Variants in EPHA3 observed in about 807,000 individuals in gnomAD.
EPHA3 encodes the protein ephrin type-A receptor 3.
A neutral mutation model predicts 107.1 loss-of-function variants in EPHA3; 42 were observed. The observed-to-expected ratio is 0.39, with a 90% CI of 0.31 to 0.51. EPHA3 has a LOEUF of 0.51. Ranked by LOEUF, EPHA3 falls within the 20% of genes least tolerant of loss-of-function variation. The probability of loss-of-function intolerance (pLI) is 0.78; values close to 1 mark genes in which losing one functional copy is unlikely to be tolerated. For missense variants in EPHA3, 1,183 were observed against 1,211.2 expected (o/e 0.98, Z 0.35); for synonymous variants, 461 against 424.8 (o/e 1.09, Z -1.05).
chr3:89,308,583 A>G (rs2107357378), intron 3 of EPHA3, among the ~76,000 whole-genome samples: 1 of 149,778 alleles, frequency 6.7e-6, no homozygotes. Flanking sequence ...CACATTATTT[A>G]TGGACTACAG....
intron 2 of EPHA3, among the ~76,000 whole-genome samples, chr3:89,174,980 A>G (rs1474618758): frequency 6.6e-6 from 1 of 151,952 alleles, no homozygotes; most frequent in Admixed American, 6.6e-5. Flanking sequence ...ATGTATTAAC[A>G]TTCTGTGGTT....
intron 2 of EPHA3, among the ~76,000 whole-genome samples, chr3:89,154,009 A>G (rs1225362861): frequency 6.6e-6 from 1 of 151,952 alleles, no homozygotes; most frequent in African/African-American, 2.4e-5. Flanking sequence ...ACTTCCTGCA[A>G]ATGGTTCCCC....
intron 3 of EPHA3, among the ~76,000 whole-genome samples, chr3:89,312,943 C>T (rs890750873): frequency 2.0e-5 from 3 of 151,968 alleles, no homozygotes; most frequent in African/African-American, 7.2e-5. Flanking sequence ...GCATAATATT[C>T]CCTGGTATAT....
At chr3:89,356,604 A>G (rs9836340) in intron 5 of EPHA3, among the ~76,000 whole-genome samples, 48,259 of 150,804 alleles carry the variant, frequency 0.32, 9,480 homozygotes, top group African/African-American at 0.46. Flanking sequence ...CGCAATTCAT[A>G]TCTATAATGC....
At chr3:89,339,101 G>A (rs556207153) in intron 3 of EPHA3, among the ~76,000 whole-genome samples, 7 of 152,156 alleles carry the variant, frequency 4.6e-5, no homozygotes, top group East Asian at 3.9e-4. Context: ...GGCCTGTGGC[G>A]GTGACTCACG....
chr3:89,388,567 G>C (rs1360583714), intron 5 of EPHA3, among the ~76,000 whole-genome samples: 1 of 152,052 alleles, frequency 6.6e-6, no homozygotes, highest in Admixed American at 6.6e-5. Flanking sequence ...CAGACAGGGA[G>C]TACAGCATAC....
intron 3 of EPHA3, among the ~76,000 whole-genome samples, chr3:89,225,341 G>T (rs1704479844): frequency 6.6e-6 from 1 of 151,988 alleles, no homozygotes; most frequent in South Asian, 2.1e-4. Flanking sequence ...AAAGATTTTG[G>T]TGTGTTCGAA....
chr3:89,198,300 C>A (rs1282848093), intron 2 of EPHA3, among the ~76,000 whole-genome samples: 4 of 152,114 alleles, frequency 2.6e-5, no homozygotes, highest in Admixed American at 1.3e-4. Context: ...ACAGTTACAA[C>A]CATTTTAAAT....
At position 89,391,416 on chromosome 3, in the gene EPHA3, C is replaced by T. The variant is rs13077122; in HGVS notation, c.1307-4421C>T. ...TCTTTTCTTTTCTTTTCTTTTCTTT[C>T]TTTTCTTTTTTTTTTTTTTTTTGAG... is the stretch of plus-strand genomic sequence containing the variant. On this transcript the variant is annotated intron_variant, in intron 5 of 16. Coordinates refer to ENST00000336596, the MANE Select transcript of EPHA3 (RefSeq NM_005233.6). Among the ~76,000 whole-genome samples, 500 of 89,368 alleles carry T rather than the reference C, an allele frequency of 5.6e-3. 3 individuals carry two copies. The highest frequency in any genetic ancestry group is 0.02 in the African/African-American group (459 of 22,834). 58.6% of individuals were successfully genotyped at this position (89,368 alleles called of 152,430 possible).
At chr3:89,353,463 A>G (rs540201468) in intron 5 of EPHA3, among the ~76,000 whole-genome samples, 59 of 151,462 alleles carry the variant, frequency 3.9e-4, no homozygotes, top group African/African-American at 1.4e-3. Flanking sequence ...CATTTTGTTT[A>G]TCTCAACAAA....
chr3:89,173,257 T>C (rs1705247458), intron 2 of EPHA3, among the ~76,000 whole-genome samples: 1 of 152,064 alleles, frequency 6.6e-6, no homozygotes, highest in South Asian at 2.1e-4. Flanking sequence ...TTATAGAATG[T>C]TTTTTGTCAG....
intron 3 of EPHA3, among the ~76,000 whole-genome samples, chr3:89,323,725 A>T (rs1007554476): frequency 6.6e-6 from 1 of 152,136 alleles, no homozygotes; most frequent in African/African-American, 2.4e-5. Context: ...TGAATCGCTC[A>T]ACTCAGTAAA....
chr3:89,384,022 AT>A (rs1708564249), intron 5 of EPHA3, among the ~76,000 whole-genome samples: 2 of 151,938 alleles, frequency 1.3e-5, no homozygotes, highest in Non-Finnish European at 2.9e-5. Context: ...TCAAAACCAC[AT>A]GTTCATCAGC....
intron 15 of EPHA3, among the ~76,000 whole-genome samples, chr3:89,466,585 C>A (rs1576392800): frequency 7.7e-6 from 1 of 129,690 alleles, no homozygotes; most frequent in South Asian, 2.3e-4. Context: ...GTGGGAGTGA[C>A]CCGATTTTCC....
At chr3:89,123,302 C>A (rs1352692684) in intron 1 of EPHA3, among the ~76,000 whole-genome samples, 1 of 152,124 alleles carries the variant, frequency 6.6e-6, no homozygotes, top group East Asian at 1.9e-4. Flanking sequence ...TGCTGCCATG[C>A]CAGCTAATTT....
intron 2 of EPHA3, among the ~76,000 whole-genome samples, chr3:89,161,979 AAAT>A (rs34967372): frequency 3.4e-5 from 5 of 149,188 alleles, no homozygotes; most frequent in Admixed American, 6.7e-5. Flanking sequence ...CTCTGTCTCA[AAAT>A]AATAATAATA....
chr3:89,450,516 T>G, intron 15 of EPHA3, 146 bp downstream of exon 15: 1 of 706,750 alleles, frequency 1.4e-6, no homozygotes, highest in South Asian at 2.4e-5. Context: ...CCCCTTTCTT[T>G]TTTAATCTTT....
In EPHA3 at chr3:89,403,905, A is replaced by C. The variant is rs574740830; in HGVS notation, c.1595-3364A>C. The stretch of plus-strand genomic sequence containing the variant: ...AATAGTACCTCATATAGCCTCATAT[A>C]GTAGGTACTCACTGTGCATGTGTGT... On this transcript the variant is annotated intron_variant, in intron 7 of 16. Transcript: ENST00000336596. 3.9e-5 allele frequency among the ~76,000 whole-genome samples: 6 copies of C among 152,312 alleles called. No individual in the cohort carries two copies. The South Asian group carries it at 1.0e-3, about 26-fold the overall frequency.
Position 89,399,393 on chromosome 3 carries a change from A to G in EPHA3, c.1507A>G (p.Thr503Ala). The G allele has an allele frequency of 1.9e-6, 3 of 1,614,070 alleles. No individual in the cohort carries two copies. The highest frequency in any genetic ancestry group is 2.5e-6 in the Non-Finnish European group (3 of 1,179,982). Residue 503 changes from threonine (T) to alanine (A), a missense_variant, in exon 7 of 17, where the codon ACT (threonine) becomes GCT (alanine). Transcript: ENST00000336596. ...NVTISSLKPD[T>A]IYVFQIRART... ...TACCATCAGTAGCCTCAAGCCTGAC[A>G]CTATATACGTATTCCAAATCCGAGC...
Sources: allele counts gnomAD v4.1 joint callset (sites outside exome capture counted in the v4.1 genomes callset), GRCh38; gene constraint gnomAD v4.1.1; transcripts MANE v1.5; gene names NCBI Gene and HGNC (gene_info 2026-07-23, HGNC 2026-07-21).